FHIT: variants seen among roughly 807,000 people sequenced by gnomAD.
FHIT encodes bis(5'-adenosyl)-triphosphatase.
Under a neutral mutation model 17.9 loss-of-function variants are expected in FHIT, and 19 were observed. The observed-to-expected ratio is 1.06, with a 90% CI of 0.74 to 1.56. The LOEUF is 1.56. Ranked by LOEUF, FHIT falls within the 40% of genes most tolerant of loss-of-function variation. FHIT has a pLI of 0.00. For missense variants in FHIT, 248 were observed against 189.2 expected, an observed-to-expected ratio of 1.31 and a Z score of -1.82; for synonymous variants, 81 against 69.7, an observed-to-expected ratio of 1.16 and a Z score of -0.81.
intron 5 of FHIT, among the ~76,000 whole-genome samples, chr3:60,461,078 A>G (rs980113264): frequency 1.3e-5 from 2 of 152,130 alleles, no homozygotes; most frequent in Non-Finnish European, 2.9e-5. Flanking sequence ...CGGCAAAAAA[A>G]TACTCTTCCC....
intron 5 of FHIT, among the ~76,000 whole-genome samples, chr3:60,112,930 G>A (rs1468918240): frequency 6.6e-6 from 1 of 152,140 alleles, no homozygotes; most frequent in Non-Finnish European, 1.5e-5. Context: ...ACTCACAGTC[G>A]AATACCACTG....
At chr3:60,231,221 A>G (rs764480533) in intron 5 of FHIT, among the ~76,000 whole-genome samples, 4 of 152,148 alleles carry the variant, frequency 2.6e-5, no homozygotes, top group Non-Finnish European at 5.9e-5. Flanking sequence ...ATATGTGTGT[A>G]TATATGTGTG....
At chr3:60,433,570 AG>A (rs1269003475) in intron 5 of FHIT, among the ~76,000 whole-genome samples, 13 of 152,070 alleles carry the variant, frequency 8.5e-5, no homozygotes, top group Admixed American at 7.9e-4. Flanking sequence ...TACACTTACC[AG>A]CACTTGGGTT....
intron 8 of FHIT, among the ~76,000 whole-genome samples, chr3:59,818,182 C>T (rs768351885): frequency 5.3e-5 from 8 of 152,130 alleles, no homozygotes; most frequent in Non-Finnish European, 1.0e-4. Context: ...ATAACAGTCC[C>T]CTGCACTCTG....
At position 60,184,001 on chromosome 3, in the gene FHIT, T is replaced by G. The variant is rs369842581; in HGVS notation, c.104-169849A>C. Among the ~76,000 whole-genome samples, 1,371 of 147,798 alleles carry G rather than the reference T, an allele frequency of 9.3e-3. 7 individuals are homozygous for G. The highest frequency in any genetic ancestry group is 0.014 in the Middle Eastern group (4 of 290). ...TATTTATATTAATTTATTTTTCGTTTTTTTTTTTGAGTCAGGGTCTTTGCC... is the reference window on the plus strand; with the variant it reads ...TATTTATATTAATTTATTTTTCGTTGTTTTTTTTGAGTCAGGGTCTTTGCC... On this transcript the variant is annotated intron_variant, in intron 5 of 9. Transcript: ENST00000492590.
intron 4 of FHIT, among the ~76,000 whole-genome samples, chr3:60,658,744 A>T (rs2040173063): frequency 6.6e-6 from 1 of 152,136 alleles, no homozygotes; most frequent in African/African-American, 2.4e-5. Context: ...CTAATAATTT[A>T]AAAAAATTAG....
At chr3:61,251,117 T>A (rs1339200219) in intron 1 of FHIT, among the ~76,000 whole-genome samples, 184 bp downstream of exon 1, 1 of 152,000 alleles carries the variant, frequency 6.6e-6, no homozygotes, top group Non-Finnish European at 1.5e-5. Flanking sequence ...TGCTTGGGAA[T>A]TGGGGGGCCC....
At position 60,473,408 on chromosome 3, in the gene FHIT, T is replaced by C. The variant is rs2033186433; in HGVS notation, c.103+63452A>G. Among the ~76,000 whole-genome samples, 3 of 152,022 alleles carry C rather than the reference T, an allele frequency of 2.0e-5. No individual in the cohort carries two copies. The South Asian group carries it at 6.2e-4, about 32-fold the overall frequency. ...AGAGAGGGACAATCTGAATTTAGGA[T>C]ATGGATGTGGAAATAGAAAGGGGAA... On this transcript the variant is annotated intron_variant, in intron 5 of 9. Transcript: ENST00000492590.
chr3:59,808,442 C>T (rs1700287641), intron 8 of FHIT, among the ~76,000 whole-genome samples: 2 of 152,082 alleles, frequency 1.3e-5, no homozygotes, highest in South Asian at 4.1e-4. Flanking sequence ...TCCCTTTTTC[C>T]CCACAACCCC....
At chr3:60,384,792 A>C (rs1282164798) in intron 5 of FHIT, among the ~76,000 whole-genome samples, 1 of 151,726 alleles carries the variant, frequency 6.6e-6, no homozygotes, top group African/African-American at 2.4e-5. Context: ...TATCAGAAAC[A>C]CTATGTGAGA....
At chr3:60,095,212 G>A (rs530591888) in intron 5 of FHIT, among the ~76,000 whole-genome samples, 26 of 152,228 alleles carry the variant, frequency 1.7e-4, no homozygotes, top group African/African-American at 4.6e-4. Context: ...TTATTACCTC[G>A]GAGGCAAAAC....
At chr3:60,948,516 T>C (rs959744819) in intron 3 of FHIT, among the ~76,000 whole-genome samples, 25 of 152,168 alleles carry the variant, frequency 1.6e-4, no homozygotes, top group African/African-American at 5.8e-4. Context: ...AGTTAACTAT[T>C]CCAGACTGTG....
intron 5 of FHIT, among the ~76,000 whole-genome samples, chr3:60,504,740 A>G (rs1324733440): frequency 6.6e-6 from 1 of 152,200 alleles, no homozygotes; most frequent in African/African-American, 2.4e-5. Flanking sequence ...TAATTGTGAG[A>G]AGGATAAAAT....
At chr3:60,618,800 A>G (rs1274761595) in intron 4 of FHIT, among the ~76,000 whole-genome samples, 1 of 152,182 alleles carries the variant, frequency 6.6e-6, no homozygotes, top group Non-Finnish European at 1.5e-5. Context: ...AAGGAGGCAA[A>G]AGAGGTCAGA....
At chr3:60,202,918 A>G (rs1702981874) in intron 5 of FHIT, among the ~76,000 whole-genome samples, 1 of 152,092 alleles carries the variant, frequency 6.6e-6, no homozygotes, top group South Asian at 2.1e-4. Context: ...TACTTTGTCT[A>G]TGACCTCAGC....
chr3:60,355,989 G>T (rs907449514), intron 5 of FHIT, among the ~76,000 whole-genome samples: 1 of 152,148 alleles, frequency 6.6e-6, no homozygotes. Context: ...ATTGTAAAGG[G>T]CTTGTATCAA....
rs1353383953 is a variant in FHIT at position 61,218,455 on chromosome 3, T to G, written c.-212-17790A>C. Among the ~76,000 whole-genome samples the G allele has an allele frequency of 2.5e-4, 38 of 151,960 alleles. 1 individual carries two copies. The highest frequency in any genetic ancestry group is 2.5e-3 in the Admixed American group (38 of 15,256). On this transcript the variant is annotated intron_variant, in intron 1 of 9. Transcript: ENST00000492590. Reference sequence around the variant, plus strand: ...AGTGGAAGTCATTAAACAAAGACAATGAGTAAAGACAATCCTAGATAAGCT... The same window carrying G: ...AGTGGAAGTCATTAAACAAAGACAAGGAGTAAAGACAATCCTAGATAAGCT...
chr3:60,869,666 A>C (rs1704317907), intron 3 of FHIT, among the ~76,000 whole-genome samples: 1 of 152,112 alleles, frequency 6.6e-6, no homozygotes, highest in African/African-American at 2.4e-5. Flanking sequence ...TCTAAGGCCC[A>C]AGGGACCACT....
At chr3:61,179,026 T>C (rs1211551421) in intron 2 of FHIT, among the ~76,000 whole-genome samples, 1 of 149,318 alleles carries the variant, frequency 6.7e-6, no homozygotes. Flanking sequence ...TTTTTTTTTT[T>C]TTGAGACAGA....
Sources: gnomAD v4.1 joint callset for allele counts (sites outside exome capture counted in the v4.1 genomes callset) on GRCh38, gnomAD v4.1.1 for gene constraint, MANE v1.5 for transcripts, NCBI Gene and HGNC (gene_info 2026-07-23, HGNC 2026-07-21) for gene names.